The following TNKS variants were observed in gnomAD, a reference collection of about 807,000 sequenced individuals.
The protein encoded by TNKS is tankyrase, also known as poly [ADP-ribose] polymerase tankyrase-1.
In TNKS, 72 loss-of-function variants were observed where a neutral mutation model predicts 135.8. The ratio of observed to expected loss-of-function variants is 0.53; its 90% CI spans 0.44 to 0.64. The LOEUF (loss-of-function observed/expected upper bound fraction) is 0.64, where lower values mean the gene tolerates loss of function less well. Among genes scored for constraint, TNKS ranks in the 30% least tolerant of loss-of-function variants. TNKS has a pLI of 0.00. For missense variants in TNKS, 1,769 were observed against 1,674.0 expected (o/e 1.06, Z -0.99); for synonymous variants, 849 against 649.3 (o/e 1.31, Z -4.68).
chr8:9,666,745 A>G (rs1020594838), intron 3 of TNKS, among the ~76,000 whole-genome samples: 6 of 152,118 alleles, frequency 3.9e-5, no homozygotes, highest in Middle Eastern at 3.4e-3. Flanking sequence ...AGTAAAATAC[A>G]TAGCAATCTT....
At chr8:9,708,314 G>T in intron 8 of TNKS, 57 bp from the exon 9 acceptor site, 3 of 1,381,688 alleles carry the variant, frequency 2.2e-6, no homozygotes, top group South Asian at 1.6e-5. Flanking sequence ...TAATCATGCT[G>T]AAGATTTTTA....
At chr8:9,663,068 G>C (rs867263844) in intron 3 of TNKS, among the ~76,000 whole-genome samples, 14 of 152,178 alleles carry the variant, frequency 9.2e-5, no homozygotes, top group African/African-American at 1.7e-4. Flanking sequence ...CAGAATTAGA[G>C]GTCATAGTGA....
At chr8:9,621,531 C>T (rs975415064) in intron 3 of TNKS, among the ~76,000 whole-genome samples, 5 of 152,132 alleles carry the variant, frequency 3.3e-5, no homozygotes, top group Non-Finnish European at 4.4e-5. Context: ...GTCTCGAACT[C>T]CTGACCTCAG....
chr8:9,716,265 T>C (rs1804594602), intron 11 of TNKS, among the ~76,000 whole-genome samples: 1 of 152,180 alleles, frequency 6.6e-6, no homozygotes, highest in South Asian at 2.1e-4. Context: ...ATAAGAGTTT[T>C]ATTAATGCTT....
intron 5 of TNKS, among the ~76,000 whole-genome samples, chr8:9,690,495 C>A (rs536728885): frequency 6.6e-6 from 1 of 152,160 alleles, no homozygotes; most frequent in Non-Finnish European, 1.5e-5. Flanking sequence ...CATGGTGGCT[C>A]ACGCCTGTAA....
chr8:9,749,910 TATC>T (rs1309201166), intron 18 of TNKS, among the ~76,000 whole-genome samples: 1 of 152,232 alleles, frequency 6.6e-6, no homozygotes, highest in Non-Finnish European at 1.5e-5. Flanking sequence ...CTGAGCCTTT[TATC>T]ATTTTGATCT....
intron 26 of TNKS, among the ~76,000 whole-genome samples, chr8:9,771,680 A>G (rs556875095): frequency 1.4e-3 from 148 of 108,586 alleles, no homozygotes; most frequent in African/African-American, 5.4e-3. Context: ...GAAGGGAGGG[A>G]GAGAGAGAGA....
At chr8:9,607,593 A>G (rs1469638789) in intron 2 of TNKS, among the ~76,000 whole-genome samples, 2 of 152,196 alleles carry the variant, frequency 1.3e-5, no homozygotes, top group South Asian at 2.1e-4. Flanking sequence ...GTACCTATGT[A>G]TGATTTTGTA....
intron 20 of TNKS, among the ~76,000 whole-genome samples, chr8:9,758,504 G>A (rs1806965098): frequency 6.6e-6 from 1 of 152,174 alleles, no homozygotes; most frequent in Non-Finnish European, 1.5e-5. Flanking sequence ...ATCTACTGCT[G>A]TGTAACAAAT....
chr8:9,603,706 G>A (rs1181887402), intron 2 of TNKS, among the ~76,000 whole-genome samples: 1 of 152,172 alleles, frequency 6.6e-6, no homozygotes, highest in Non-Finnish European at 1.5e-5. Context: ...TAAGTTGAAA[G>A]AAGAACCCTG....
At chr8:9,643,581 T>C (rs1468863835) in intron 3 of TNKS, among the ~76,000 whole-genome samples, 1 of 152,108 alleles carries the variant, frequency 6.6e-6, no homozygotes, top group Non-Finnish European at 1.5e-5. Flanking sequence ...CCATAGCAGC[T>C]ACTATTAAAA....
chr8:9,633,033 A>G (rs115425452), intron 3 of TNKS, among the ~76,000 whole-genome samples: 11,254 of 152,160 alleles, frequency 0.074, 451 homozygotes, highest in South Asian at 0.16. Flanking sequence ...CCGGCCCTCT[A>G]TGTTGTTCTT....
Position 9,679,843 on chromosome 8 carries a change from A to C in TNKS, c.995-108A>C, listed in dbSNP as rs777288156. On this transcript the variant is annotated intron_variant, in intron 3 of 26. Coordinates refer to ENST00000310430, the MANE Select transcript of TNKS (RefSeq NM_003747.3). Reference sequence around the variant, plus strand: ...GGCTCCATCACCCAGCGGGGTGTGGACTCTCTTTTTCTGTTCTTCTCTATT... The same window carrying C: ...GGCTCCATCACCCAGCGGGGTGTGGCCTCTCTTTTTCTGTTCTTCTCTATT... 1.4e-4 allele frequency: 122 copies of C among 886,938 alleles called. 1 individual carries two copies. The East Asian group carries it at 2.9e-3, about 21-fold the overall frequency. The allele number at this position is 886,938 out of a possible 1,614,324, so 54.9% of individuals were successfully genotyped here.
intron 18 of TNKS, among the ~76,000 whole-genome samples, chr8:9,749,632 G>A (rs1237320090): frequency 1.3e-5 from 2 of 151,924 alleles, no homozygotes; most frequent in African/African-American, 4.8e-5. Flanking sequence ...ATGCCACTAT[G>A]CCTGGCTATT....
intron 2 of TNKS, among the ~76,000 whole-genome samples, chr8:9,611,607 G>A (rs1799466097): frequency 6.6e-6 from 1 of 152,160 alleles, no homozygotes; most frequent in African/African-American, 2.4e-5. Context: ...GAAGCATCCA[G>A]AATTGAGTCT....
At chr8:9,578,079 C>G (rs1356134188) in intron 1 of TNKS, among the ~76,000 whole-genome samples, 1 of 152,216 alleles carries the variant, frequency 6.6e-6, no homozygotes, top group African/African-American at 2.4e-5. Flanking sequence ...CCAGGCCACA[C>G]CAACACAAGG....
intron 3 of TNKS, among the ~76,000 whole-genome samples, chr8:9,631,400 A>G (rs1446107564): frequency 6.6e-6 from 1 of 152,222 alleles, no homozygotes; most frequent in Non-Finnish European, 1.5e-5. Flanking sequence ...CTTTCACATC[A>G]TGCTTATAAG....
Position 9,777,914 on chromosome 8 carries a change from T to C in TNKS, c.*1178T>C, listed in dbSNP as rs1808300071. The stretch of plus-strand genomic sequence containing the variant: ...AGGACTTTTTTGTTTACTCCAGATT[T>C]GGGGTTTATTTTGAGTGGCATGCTT... On this transcript the variant is annotated 3_prime_UTR_variant, in exon 27 of 27. Transcript: ENST00000310430. 1 of 152,618 alleles carries C rather than the reference T, an allele frequency of 6.6e-6. No homozygotes were observed. Among genetic ancestry groups the C allele is most frequent in the Non-Finnish European group, 1.5e-5 (1 of 68,036 alleles). The allele number at this position is 152,618 out of a possible 1,614,324, so 9.5% of individuals were successfully genotyped here.
intron 3 of TNKS, among the ~76,000 whole-genome samples, chr8:9,649,403 A>C (rs1408567655): frequency 6.6e-6 from 1 of 152,226 alleles, no homozygotes; most frequent in African/African-American, 2.4e-5. Context: ...GCTATTTAAT[A>C]CACTTCACTA....
Sources: allele counts gnomAD v4.1 joint callset (sites outside exome capture counted in the v4.1 genomes callset), GRCh38; gene constraint gnomAD v4.1.1; transcripts MANE v1.5; gene names NCBI Gene and HGNC (gene_info 2026-07-23, HGNC 2026-07-21).